Variants in RANBP2 observed in about 807,000 individuals in gnomAD.
RANBP2 encodes the protein E3 SUMO-protein ligase RanBP2.
RANBP2 carries 57 observed loss-of-function variants against 303.6 expected under a neutral mutation model. That is an observed-to-expected ratio of 0.19 (90% confidence interval 0.15 to 0.23). The LOEUF (loss-of-function observed/expected upper bound fraction) is 0.23, where lower values mean the gene tolerates loss of function less well. Among genes scored for constraint, RANBP2 ranks in the 10% least tolerant of loss-of-function variants. The pLI is 1.00. For missense variants in RANBP2, 3,138 were observed against 3,780.8 expected, an observed-to-expected ratio of 0.83 and a Z score of 4.46; for synonymous variants, 1,167 against 1,301.5, an observed-to-expected ratio of 0.90 and a Z score of 2.23.
chr2:109,215,237 C>T, the RANBP2 span, among the ~76,000 whole-genome samples: 4 of 152,110 alleles, frequency 2.6e-5, no homozygotes, highest in South Asian at 2.1e-4. Context: ...ACTAATGTCA[C>T]GGGCAGAGGA....
At chr2:109,003,374 A>C in the RANBP2 span, among the ~76,000 whole-genome samples, 1 of 152,012 alleles carries the variant, frequency 6.6e-6, no homozygotes, top group Non-Finnish European at 1.5e-5. Context: ...TGCATGAGTG[A>C]ATGATGGACG....
the RANBP2 span, among the ~76,000 whole-genome samples, chr2:109,484,969 C>G: frequency 6.6e-6 from 1 of 152,236 alleles, no homozygotes; most frequent in Admixed American, 6.5e-5. Context: ...GTGTTCAATC[C>G]TTTATTCCCA....
At chr2:109,285,349 G>T in the RANBP2 span, among the ~76,000 whole-genome samples, 1 of 152,230 alleles carries the variant, frequency 6.6e-6, no homozygotes, top group African/African-American at 2.4e-5. Flanking sequence ...AAGCCAGCTT[G>T]TGAGTCATTA....
At chr2:109,619,435 T>G in the RANBP2 span, among the ~76,000 whole-genome samples, 4 of 152,218 alleles carry the variant, frequency 2.6e-5, no homozygotes, top group African/African-American at 7.2e-5. Context: ...TTTTTCATTT[T>G]TCAGCCTCTG....
At chr2:109,038,683 T>G in the RANBP2 span, among the ~76,000 whole-genome samples, 1 of 152,212 alleles carries the variant, frequency 6.6e-6, no homozygotes, top group African/African-American at 2.4e-5. Flanking sequence ...TTCAAGAACA[T>G]GTACATGTAT....
the RANBP2 span, among the ~76,000 whole-genome samples, chr2:109,428,975 G>T: frequency 1.3e-5 from 2 of 152,240 alleles, no homozygotes; most frequent in Non-Finnish European, 2.9e-5. Context: ...TGCAGGGGAC[G>T]CCATCCAGCT....
At chr2:109,426,216 A>G in the RANBP2 span, among the ~76,000 whole-genome samples, 1 of 152,222 alleles carries the variant, frequency 6.6e-6, no homozygotes, top group Non-Finnish European at 1.5e-5. Flanking sequence ...GCCAAGCAGT[A>G]CATTTCAAAG....
the RANBP2 span, among the ~76,000 whole-genome samples, chr2:109,652,730 G>T: frequency 3.0e-4 from 46 of 152,314 alleles, no homozygotes; most frequent in Non-Finnish European, 4.7e-4. Flanking sequence ...TCTACCAGAG[G>T]CCAGGAGGAA....
At chr2:109,189,628 A>C in the RANBP2 span, among the ~76,000 whole-genome samples, 1 of 152,144 alleles carries the variant, frequency 6.6e-6, no homozygotes, top group Non-Finnish European at 1.5e-5. Context: ...TGGCCTCCCA[A>C]AGTGAGTCCA....
At chr2:109,721,239 G>A in the RANBP2 span, among the ~76,000 whole-genome samples, 4 of 152,102 alleles carry the variant, frequency 2.6e-5, no homozygotes, top group Non-Finnish European at 2.9e-5. Flanking sequence ...TACACGCTGC[G>A]GCTTTCTTCC....
chr2:109,312,945 A>G, the RANBP2 span, among the ~76,000 whole-genome samples: 5 of 152,122 alleles, frequency 3.3e-5, no homozygotes, highest in African/African-American at 1.2e-4. Context: ...GAGCCGCCCT[A>G]TGTTTTCCAC....
chr2:109,552,899 G>A, the RANBP2 span: 2 of 632,854 alleles, frequency 3.2e-6, no homozygotes, highest in Non-Finnish European at 5.1e-6. Flanking sequence ...AAAAAAGAAG[G>A]CCAAAGTTTT....
At chr2:109,632,644 AC>A in the RANBP2 span, among the ~76,000 whole-genome samples, 1 of 151,874 alleles carries the variant, frequency 6.6e-6, no homozygotes, top group African/African-American at 2.4e-5. Flanking sequence ...TTTAGTAGAA[AC>A]CCCGTTTCTA....
chr2:109,595,176 C>T, the RANBP2 span, among the ~76,000 whole-genome samples: 1 of 152,170 alleles, frequency 6.6e-6, no homozygotes, highest in Non-Finnish European at 1.5e-5. Context: ...CCTGAGCCCC[C>T]ACGCCCAGCC....
the RANBP2 span, among the ~76,000 whole-genome samples, chr2:109,393,624 C>T: frequency 1.3e-5 from 2 of 152,084 alleles, no homozygotes; most frequent in Non-Finnish European, 2.9e-5. Context: ...CTCCTGCTTG[C>T]ACCCTTGGCT....
At chr2:109,231,309 G>A in the RANBP2 span, among the ~76,000 whole-genome samples, 1 of 152,364 alleles carries the variant, frequency 6.6e-6, no homozygotes, top group Non-Finnish European at 1.5e-5. Flanking sequence ...GTGAGCTAAT[G>A]CGATGACATT....
At chr2:109,588,337 G>GT in the RANBP2 span, among the ~76,000 whole-genome samples, 21 of 151,934 alleles carry the variant, frequency 1.4e-4, no homozygotes, top group Admixed American at 1.1e-3. Flanking sequence ...TGTAAGAGAG[G>GT]TTTTTTTTAA....
chr2:109,078,284 A>AGCG, the RANBP2 span, among the ~76,000 whole-genome samples: 6 of 124,046 alleles, frequency 4.8e-5, no homozygotes, highest in Non-Finnish European at 8.6e-5. Context: ...ATATATATAT[A>AGCG]TATATATATA....
At chr2:109,189,645 C>T in the RANBP2 span, among the ~76,000 whole-genome samples, 1 of 152,094 alleles carries the variant, frequency 6.6e-6, no homozygotes, top group Non-Finnish European at 1.5e-5. Context: ...TCCATATTCT[C>T]TGTTTTAAAA....
Sources: allele counts gnomAD v4.1 joint callset (sites outside exome capture counted in the v4.1 genomes callset), GRCh38; gene constraint gnomAD v4.1.1; transcripts MANE v1.5; gene names NCBI Gene and HGNC (gene_info 2026-07-23, HGNC 2026-07-21).